Variants in PIP5K1B observed in about 807,000 individuals in gnomAD.
PIP5K1B encodes phosphatidylinositol-4-phosphate 5-kinase type 1 beta, also known as phosphatidylinositol 4-phosphate 5-kinase type-1 beta.
In PIP5K1B, 42 loss-of-function variants were observed where a neutral mutation model predicts 67.0. That is an observed-to-expected ratio of 0.63 (90% CI 0.49 to 0.81). PIP5K1B has a LOEUF of 0.81. PIP5K1B is among the 30% of genes least tolerant of loss of function. The pLI, the probability that PIP5K1B is intolerant of heterozygous loss-of-function variation, is 0.00. For missense variants in PIP5K1B, 459 were observed against 646.3 expected (o/e 0.71, Z 3.14); for synonymous variants, 214 against 231.4 (o/e 0.92, Z 0.68).
chr9:68,849,070 A>G (rs1171547906), intron 4 of PIP5K1B, among the ~76,000 whole-genome samples: 2 of 152,236 alleles, frequency 1.3e-5, no homozygotes, highest in Admixed American at 1.3e-4. Flanking sequence ...AGTACCTACC[A>G]AAAGTATAAA....
Position 68,808,419 on chromosome 9 carries a change from A to T in PIP5K1B, c.-85-10042A>T, listed in dbSNP as rs145864115. 4.7e-3 allele frequency among the ~76,000 whole-genome samples: 709 copies of T among 151,814 alleles called. 7 individuals carry two copies. The highest frequency in any genetic ancestry group is 0.016 in the African/African-American group (675 of 41,312). ...GACTCCCAGCTTCCCCACCACCCCG[A>T]CACTATCACCAGATACACACAGATA... On this transcript the variant is annotated intron_variant, in intron 2 of 15. Transcript: ENST00000265382.
chr9:69,008,512 TCTCCGCACC>T lies in PIP5K1B; in HGVS notation c.*64_*72del. The T allele has an allele frequency of 1.8e-5, 27 of 1,533,596 alleles. No homozygotes were observed. The South Asian group carries it at 2.9e-4, about 17-fold the overall frequency. The allele number at this position is 1,533,596 out of a possible 1,614,324, so 95.0% of individuals were successfully genotyped here. On this transcript the variant is annotated 3_prime_UTR_variant, in exon 16 of 16. Coordinates refer to ENST00000265382, the MANE Select transcript of PIP5K1B (RefSeq NM_003558.4). The stretch of plus-strand genomic sequence containing the variant: ...TGAGCACAGTTATGGCAGAGAAGTT[TCTCCGCACC>T]AGAATTATCCACAGCAACTTGGCTG...
chr9:68,893,763 CA>C (rs1824936390), intron 7 of PIP5K1B, among the ~76,000 whole-genome samples: 1 of 152,106 alleles, frequency 6.6e-6, no homozygotes, highest in Non-Finnish European at 1.5e-5. Context: ...AAAAAATGAG[CA>C]AAATTATCTT....
At chr9:68,966,269 C>A (rs1318437433) in intron 14 of PIP5K1B, among the ~76,000 whole-genome samples, 2 of 152,070 alleles carry the variant, frequency 1.3e-5, no homozygotes, top group African/African-American at 2.4e-5. Flanking sequence ...AACACAACAC[C>A]CCATCCCTTA....
chr9:68,836,291 A>T (rs537070119), intron 4 of PIP5K1B, among the ~76,000 whole-genome samples: 1 of 152,186 alleles, frequency 6.6e-6, no homozygotes, highest in Non-Finnish European at 1.5e-5. Flanking sequence ...CCCCCAACCC[A>T]GTGTTCTTTG....
At chr9:68,919,606 C>A in intron 10 of PIP5K1B, 44 bp downstream of exon 10, 2 of 1,402,272 alleles carry the variant, frequency 1.4e-6, no homozygotes, top group African/African-American at 1.4e-5. Context: ...CAAAATCAAT[C>A]TACAAAAGGT....
intron 14 of PIP5K1B, among the ~76,000 whole-genome samples, chr9:68,987,114 G>T (rs1257644484): frequency 6.6e-6 from 1 of 151,998 alleles, no homozygotes; most frequent in Non-Finnish European, 1.5e-5. Context: ...TAGCTGGGTG[G>T]GGTGGCATAC....
intron 2 of PIP5K1B, among the ~76,000 whole-genome samples, chr9:68,809,607 A>G (rs747824379): frequency 3.3e-5 from 5 of 152,106 alleles, no homozygotes; most frequent in Non-Finnish European, 7.4e-5. Context: ...AAAATGCAGG[A>G]CTCATGATCT....
In PIP5K1B at chr9:68,774,917, TC is replaced by T. The variant is rs1215614958; in HGVS notation, c.-86+32261del. ...CTCAGATAGTATCTTTTTTCCTTGATCAACTTCTTCAACTCTGCTAGAAATG... is the reference window on the plus strand; with the variant it reads ...CTCAGATAGTATCTTTTTTCCTTGATAACTTCTTCAACTCTGCTAGAAATG... On this transcript the variant is annotated intron_variant, in intron 2 of 15. Transcript: ENST00000265382. 2.0e-5 allele frequency among the ~76,000 whole-genome samples: 3 copies of T among 152,238 alleles called. No individual in the cohort carries two copies. In the East Asian group the frequency reaches 5.8e-4, roughly 29 times the overall value.
chr9:68,776,596 AC>A (rs1330640972), intron 2 of PIP5K1B, among the ~76,000 whole-genome samples: 1 of 152,150 alleles, frequency 6.6e-6, no homozygotes, highest in Non-Finnish European at 1.5e-5. Context: ...GGCGTGAGCC[AC>A]CACGCCTGGC....
chr9:68,874,427 G>A (rs570286369), intron 5 of PIP5K1B, among the ~76,000 whole-genome samples: 1 of 152,234 alleles, frequency 6.6e-6, no homozygotes, highest in African/African-American at 2.4e-5. Context: ...GTGTGTATGG[G>A]TGTACGTGTG....
Position 68,960,921 on chromosome 9 carries a change from G to A in PIP5K1B, c.1502+20131G>A, listed in dbSNP as rs12237936. Among the ~76,000 whole-genome samples, 22 of 152,300 alleles carry A rather than the reference G, an allele frequency of 1.4e-4. No homozygotes were observed. In the East Asian group the frequency reaches 3.1e-3, roughly 21 times the overall value. ...TGGTTGTCTGTTCGTACTTAAAAGC[G>A]TGTCACCGGCCGGGCGCGGTGGCTC... On this transcript the variant is annotated intron_variant, in intron 14 of 15. Coordinates refer to ENST00000265382, the MANE Select transcript of PIP5K1B (RefSeq NM_003558.4).
chr9:68,864,426 T>G (rs902955450), intron 5 of PIP5K1B, among the ~76,000 whole-genome samples: 4 of 152,274 alleles, frequency 2.6e-5, no homozygotes, highest in Non-Finnish European at 5.9e-5. Context: ...TCTTTTATGA[T>G]GACTTTAACT....
intron 15 of PIP5K1B, among the ~76,000 whole-genome samples, chr9:68,997,172 C>T (rs1830634085): frequency 6.6e-6 from 1 of 152,150 alleles, no homozygotes; most frequent in African/African-American, 2.4e-5. Context: ...ATTGAATTAA[C>T]AGCTTATCAT....
intron 4 of PIP5K1B, among the ~76,000 whole-genome samples, chr9:68,852,914 G>GT (rs59497845): frequency 0.06 from 9,095 of 151,492 alleles, 379 homozygotes; most frequent in East Asian, 0.24. Flanking sequence ...TTAGGGGTGT[G>GT]TTTTTTTTTA....
intron 7 of PIP5K1B, 119 bp from the exon 8 acceptor site, chr9:68,894,220 A>G: frequency 1.4e-6 from 1 of 699,330 alleles, no homozygotes. Flanking sequence ...ATGAACATTA[A>G]TAAAGATAAT....
At chr9:68,969,165 G>A (rs1829211014) in intron 14 of PIP5K1B, among the ~76,000 whole-genome samples, 1 of 151,936 alleles carries the variant, frequency 6.6e-6, no homozygotes, top group African/African-American at 2.4e-5. Context: ...CCAGGAGATC[G>A]AGACCATCCT....
chr9:68,840,049 G>A (rs1821837369), intron 4 of PIP5K1B, among the ~76,000 whole-genome samples: 4 of 152,124 alleles, frequency 2.6e-5, no homozygotes, highest in Admixed American at 1.3e-4. Context: ...GAAAATGTTC[G>A]GGTGCCTCAA....
intron 14 of PIP5K1B, among the ~76,000 whole-genome samples, chr9:68,959,843 C>T (rs953797675): frequency 7.2e-5 from 11 of 152,126 alleles, no homozygotes; most frequent in African/African-American, 2.7e-4. Context: ...TCAGACGCGT[C>T]GGATATTTCA....
Sources: gnomAD v4.1 joint callset for allele counts (sites outside exome capture counted in the v4.1 genomes callset) on GRCh38, gnomAD v4.1.1 for gene constraint, MANE v1.5 for transcripts, NCBI Gene and HGNC (gene_info 2026-07-23, HGNC 2026-07-21) for gene names.